Variants in STARD7 observed in about 807,000 individuals in gnomAD.
STARD7 encodes StAR related lipid transfer domain containing 7, also known as stAR-related lipid transfer protein 7, mitochondrial.
STARD7 carries 30 observed loss-of-function variants against 45.3 expected under a neutral mutation model. The ratio of observed to expected loss-of-function variants is 0.66; its 90% CI spans 0.50 to 0.90. The LOEUF is 0.90. Among genes scored for constraint, STARD7 ranks in the 40% least tolerant of loss-of-function variants. The pLI, the probability that STARD7 is intolerant of heterozygous loss-of-function variation, is 0.00. For missense variants in STARD7, 495 were observed against 491.3 expected, an observed-to-expected ratio of 1.01 and a Z score of -0.07; for synonymous variants, 199 against 183.0, an observed-to-expected ratio of 1.09 and a Z score of -0.70.
intron 1 of STARD7, among the ~76,000 whole-genome samples, chr2:96,205,157 C>A (rs1458452472): frequency 6.6e-6 from 1 of 152,206 alleles, no homozygotes; most frequent in Non-Finnish European, 1.5e-5. Flanking sequence ...TAATTTAAGA[C>A]AACTGGGTAC....
At chr2:96,187,489 T>C (rs1683054941) in intron 6 of STARD7, 188 bp from the exon 7 acceptor site, 11 of 522,880 alleles carry the variant, frequency 2.1e-5, no homozygotes, top group South Asian at 9.0e-5. Flanking sequence ...CTCCTTGCAA[T>C]GTTGACCCTT....
At position 96,192,429 on chromosome 2, in the gene STARD7, G is replaced by A. The variant is rs769915830; in HGVS notation, c.783C>T (p.Phe261=). The A allele has an allele frequency of 9.9e-6, 16 of 1,613,892 alleles. No individual in the cohort carries two copies. The highest frequency in any genetic ancestry group is 6.7e-5 in the East Asian group (3 of 44,886). Residue 261 remains phenylalanine (F), a synonymous_variant, in exon 6 of 8, where the codon TTC becomes TTT. Coordinates refer to ENST00000337288, the MANE Select transcript of STARD7 (RefSeq NM_020151.4). ...GGGATTCATATGATCTGACCCTGAC[G>A]AATTCTGGAGACTCTGGCACACTCG... ...EHPSVPESPE[F]VRVRSYESQM... is the part of the protein sequence containing the mutation.
In STARD7 at chr2:96,208,389, C is replaced by G. The variant is rs955275229; in HGVS notation, c.46G>C (p.Gly16Arg). Residue 16 changes from glycine to arginine, a missense_variant, in exon 1 of 8, where the codon GGC (glycine) becomes CGC (arginine). Gly to Arg is a moderately radical substitution (Grantham distance 125, BLOSUM62 -2). Transcript: ENST00000337288. ...GCCAGAAGCGCCAGCAGGCCCCCGCCCCGCGTCCCCGCCAGCCAGGCGGCC... is the reference window on the plus strand; with the variant it reads ...GCCAGAAGCGCCAGCAGGCCCCCGCGCCGCGTCCCCGCCAGCCAGGCGGCC... The part of the protein sequence containing the change: ...LLAAWLAGTR[G>R]GGLLALLANQ... The G allele has an allele frequency of 6.8e-7, 1 of 1,473,604 alleles. No individual in the cohort carries two copies. The highest frequency in any genetic ancestry group is 1.5e-5 in the African/African-American group (1 of 68,398). 91.3% of individuals were successfully genotyped at this position (1,473,604 alleles called of 1,614,324 possible). A position where few individuals can be genotyped will look rare whatever the true frequency, so the allele number is the denominator to read the frequency against.
At position 96,193,165 on chromosome 2, in the gene STARD7, AGAAATG is replaced by A; in HGVS notation, c.661-11_661-6del. 1 of 1,609,354 alleles carries A rather than the reference AGAAATG, an allele frequency of 6.2e-7. No homozygotes were observed. Among genetic ancestry groups the A allele is most frequent in the Non-Finnish European group, 8.5e-7 (1 of 1,175,600 alleles). On this transcript the variant is annotated splice_region_variant and splice_polypyrimidine_tract_variant and intron_variant, in intron 4 of 7. Transcript: ENST00000337288. The stretch of plus-strand genomic sequence containing the variant: ...ATCCCGTGAGTACATTGGATACTAA[AGAAATG>A]GAGGAGCAGGATTAGTGTTCTGCAT...
chr2:96,197,178 G>A (rs1251098786), intron 1 of STARD7, among the ~76,000 whole-genome samples: 2 of 151,952 alleles, frequency 1.3e-5, no homozygotes, highest in African/African-American at 4.8e-5. Flanking sequence ...GCCGAGGTGG[G>A]CGGATCACCT....
At chr2:96,194,112 AC>A (rs1230850980) in intron 3 of STARD7, among the ~76,000 whole-genome samples, 3 of 152,210 alleles carry the variant, frequency 2.0e-5, no homozygotes, top group Admixed American at 2.0e-4. Context: ...TAATCCCGGC[AC>A]TTTGGGAGGC....
At chr2:96,202,888 T>C (rs1333000952) in intron 1 of STARD7, among the ~76,000 whole-genome samples, 3 of 152,238 alleles carry the variant, frequency 2.0e-5, no homozygotes, top group Admixed American at 6.5e-5. Flanking sequence ...CAACATTTTT[T>C]CATGACCTTC....
intron 3 of STARD7, among the ~76,000 whole-genome samples, chr2:96,194,165 G>A (rs1021866799): frequency 4.6e-5 from 7 of 152,120 alleles, no homozygotes; most frequent in African/African-American, 1.7e-4. Context: ...TTCAAGACCA[G>A]CCTAGGAGAC....
Position 96,202,507 on chromosome 2 carries a change from CAGA to C in STARD7, c.290+5635_290+5637del, listed in dbSNP as rs549607165. ...CCTTAGGATAGGCATTTAGATGTTG[CAGA>C]AGAAGAGCAAAAGCAAAACCATAGC... On this transcript the variant is annotated intron_variant, in intron 1 of 7. Transcript: ENST00000337288. Among the ~76,000 whole-genome samples, 69 of 148,046 alleles carry C rather than the reference CAGA, an allele frequency of 4.7e-4. 1 individual carries two copies. The East Asian group carries it at 0.013, about 28-fold the overall frequency.
At position 96,187,682 on chromosome 2, in the gene STARD7, G is replaced by A. The variant is rs59281925; in HGVS notation, c.844-381C>T. On this transcript the variant is annotated intron_variant, in intron 6 of 7. Transcript: ENST00000337288. ...ATAAAAATTTTGGGTGTTAGGCCAG[G>A]CATGGTGGCTCATGCCTACAATCCC... is the stretch of plus-strand genomic sequence containing the variant. 2.0e-3 allele frequency: 319 copies of A among 156,070 alleles called. 2 individuals carry two copies. The highest frequency in any genetic ancestry group is 7.3e-3 in the African/African-American group (304 of 41,656). The allele number at this position is 156,070 out of a possible 1,614,324, so 9.7% of individuals were successfully genotyped here.
Position 96,186,826 on chromosome 2 carries a change from C to T in STARD7, c.1017G>A (p.Lys339=), listed in dbSNP as rs781025702. The T allele has an allele frequency of 2.5e-6, 4 of 1,614,012 alleles. No individual in the cohort carries two copies. In the South Asian group the frequency reaches 3.3e-5, roughly 13 times the overall value. ...EIKVKDYISA[K]PLEMSSEAKA... ...TGGCTTCACTACTCATTTCCAGAGG[C>T]TTAGCTGAGATGTAGTCCTTTACTT... is the stretch of plus-strand genomic sequence containing the variant. Residue 339 remains lysine (K), a synonymous_variant, in exon 8 of 8, where the codon AAG becomes AAA. Coordinates refer to ENST00000337288, the MANE Select transcript of STARD7 (RefSeq NM_020151.4).
In STARD7 at chr2:96,195,566, G is replaced by A. The variant is rs773343977; in HGVS notation, c.291-17C>T. ...TTAATAGATCTGTAAAGGGGAAAAA[G>A]AGCCATGGTGAGGTGGTTAGTCAGC... On this transcript the variant is annotated splice_polypyrimidine_tract_variant and intron_variant, in intron 1 of 7. Transcript: ENST00000337288. 7 of 1,597,366 alleles carry A rather than the reference G, an allele frequency of 4.4e-6. No homozygotes were observed. The African/African-American group carries it at 8.0e-5, about 18-fold the overall frequency.
rs1326412614 is a variant in STARD7, at chr2:96,186,735, C to A, written c.1108G>T (p.Ala370Ser). The A allele has an allele frequency of 2.5e-6, 4 of 1,607,656 alleles. No individual in the cohort carries two copies. Among genetic ancestry groups the A allele is most frequent in the Non-Finnish European group, 1.7e-6 (2 of 1,177,392 alleles). Residue 370 changes from alanine (A) to serine (S), a missense_variant, in exon 8 of 8, where the codon GCT (alanine) becomes TCT (serine). This residue lies in a region of STARD7 where 213 missense variants were observed against 271.2 expected (regional missense o/e 0.79). Coordinates refer to ENST00000337288, the MANE Select transcript of STARD7 (RefSeq NM_020151.4). ...GSCGPARIEY[A>S] ...CCTTCTTATCCCAAAGCCTGTCAAG[C>A]ATACTCAATCCGAGCAGGGCCACAG...
At chr2:96,192,074 A>G (rs1683133171) in intron 6 of STARD7, among the ~76,000 whole-genome samples, 1 of 152,198 alleles carries the variant, frequency 6.6e-6, no homozygotes. Context: ...TACTCGCTCT[A>G]GTTCCTGAAG....
intron 1 of STARD7, among the ~76,000 whole-genome samples, chr2:96,206,853 A>G (rs1259036210): frequency 6.6e-6 from 1 of 152,030 alleles, no homozygotes; most frequent in Non-Finnish European, 1.5e-5. Flanking sequence ...ATCATCAAAA[A>G]TGAAAATTAA....
At chr2:96,190,975 G>A (rs1339337292) in intron 6 of STARD7, among the ~76,000 whole-genome samples, 5 of 152,058 alleles carry the variant, frequency 3.3e-5, no homozygotes, top group Admixed American at 1.3e-4. Flanking sequence ...ACCAGCCTGC[G>A]CAGCATGGTG....
rs957493078 is a variant in STARD7 at position 96,186,490 on chromosome 2, C to T, written c.*240G>A. On this transcript the variant is annotated 3_prime_UTR_variant, in exon 8 of 8. Transcript: ENST00000337288. Reference sequence around the variant, plus strand: ...GTTCCAGATTAGCTCAGTGAGATACCGAATTTCAAAACAGTTGGCCTGAGA... The same window carrying T: ...GTTCCAGATTAGCTCAGTGAGATACTGAATTTCAAAACAGTTGGCCTGAGA... The T allele has an allele frequency of 1.8e-5, 7 of 381,168 alleles. No individual in the cohort carries two copies. The highest frequency in any genetic ancestry group is 4.2e-5 in the East Asian group (1 of 23,950). The allele number at this position is 381,168 out of a possible 1,614,324, so 23.6% of individuals were successfully genotyped here.
At position 96,185,842 on chromosome 2, in the gene STARD7, A is replaced by G. The variant is rs917490162; in HGVS notation, c.*888T>C. On this transcript the variant is annotated 3_prime_UTR_variant, in exon 8 of 8. Coordinates refer to ENST00000337288, the MANE Select transcript of STARD7 (RefSeq NM_020151.4). ...GGGTAGAATCCTGCTCAATTCCTCA[A>G]CTCCTATTTGACACAAAAGTTAAAA... The G allele has an allele frequency of 3.9e-5, 6 of 152,132 alleles. No individual in the cohort carries two copies. Among genetic ancestry groups the G allele is most frequent in the African/African-American group, 1.2e-4 (5 of 41,422 alleles). 9.4% of individuals were successfully genotyped at this position (152,132 alleles called of 1,614,324 possible).
rs566690349 is a variant in STARD7 at position 96,208,064 on chromosome 2, G to A, written c.290+81C>T. The A allele has an allele frequency of 2.4e-5, 32 of 1,355,238 alleles. No individual in the cohort carries two copies. The Admixed American group carries it at 5.1e-4, about 21-fold the overall frequency. 84.0% of individuals were successfully genotyped at this position (1,355,238 alleles called of 1,614,324 possible). A position where few individuals can be genotyped will look rare whatever the true frequency, so the allele number is the denominator to read the frequency against. ...ATTAAAAGACCACCGGGTAAACAAG[G>A]GCCAACGACCACAGGGCAGGCCCCA... is the stretch of plus-strand genomic sequence containing the variant. On this transcript the variant is annotated intron_variant, in intron 1 of 7. Coordinates refer to ENST00000337288, the MANE Select transcript of STARD7 (RefSeq NM_020151.4).
Sources: allele counts gnomAD v4.1 joint callset (sites outside exome capture counted in the v4.1 genomes callset), GRCh38; gene constraint gnomAD v4.1.1; regional missense constraint gnomAD v4.1.1; transcripts MANE v1.5; gene names NCBI Gene and HGNC (gene_info 2026-07-23, HGNC 2026-07-21).